The following NRG3 variants were observed in gnomAD, a reference collection of about 807,000 sequenced individuals.
NRG3 encodes the protein neuregulin 3.
NRG3 carries 31 observed loss-of-function variants against 66.9 expected under a neutral mutation model. The ratio of observed to expected loss-of-function variants is 0.46; its 90% confidence interval spans 0.35 to 0.63. NRG3 has a LOEUF of 0.63. Among genes scored for constraint, NRG3 ranks in the 20% least tolerant of loss-of-function variants. The pLI is 0.00. For missense variants in NRG3, 910 were observed against 878.9 expected, an observed-to-expected ratio of 1.04 and a Z score of -0.45; for synonymous variants, 393 against 359.4, an observed-to-expected ratio of 1.09 and a Z score of -1.06.
chr10:81,896,470 A>G (rs1198957220), intron 1 of NRG3, among the ~76,000 whole-genome samples: 1 of 152,164 alleles, frequency 6.6e-6, no homozygotes, highest in East Asian at 1.9e-4. Context: ...GTGTATCTTG[A>G]TAGATTCTGC....
At chr10:82,159,082 A>G (rs142242108) in intron 1 of NRG3, among the ~76,000 whole-genome samples, 2 of 152,026 alleles carry the variant, frequency 1.3e-5, no homozygotes, top group African/African-American at 4.8e-5. Context: ...AAAATAGAAG[A>G]CCAACTATGA....
intron 2 of NRG3, among the ~76,000 whole-genome samples, chr10:82,507,300 A>C (rs897287531): frequency 1.3e-5 from 2 of 152,148 alleles, no homozygotes; most frequent in African/African-American, 2.4e-5. Context: ...CAATGTGGGC[A>C]TGGGTTGATT....
intron 1 of NRG3, among the ~76,000 whole-genome samples, chr10:82,141,465 A>G (rs2069780235): frequency 6.6e-6 from 1 of 152,172 alleles, no homozygotes; most frequent in African/African-American, 2.4e-5. Flanking sequence ...TTTTACAGAA[A>G]GAAAGCATTA....
chr10:81,998,842 T>C (rs1010382084), intron 1 of NRG3, among the ~76,000 whole-genome samples: 4 of 152,162 alleles, frequency 2.6e-5, no homozygotes, highest in African/African-American at 9.6e-5. Context: ...AAACTTTGTG[T>C]GTGTGTGTCT....
chr10:82,378,393 C>G (rs2085395351), intron 2 of NRG3, among the ~76,000 whole-genome samples: 1 of 152,204 alleles, frequency 6.6e-6, no homozygotes, highest in Non-Finnish European at 1.5e-5. Flanking sequence ...AAGACTGATT[C>G]ACTTTCACCA....
intron 4 of NRG3, among the ~76,000 whole-genome samples, chr10:82,934,848 A>G (rs1847909486): frequency 6.6e-6 from 1 of 152,154 alleles, no homozygotes; most frequent in Non-Finnish European, 1.5e-5. Context: ...GCACTTACAA[A>G]CTTTTCAGTG....
chr10:81,985,952 TCA>T (rs974563878), intron 1 of NRG3, among the ~76,000 whole-genome samples: 6 of 152,196 alleles, frequency 3.9e-5, no homozygotes, highest in African/African-American at 1.2e-4. Context: ...AAGTGGTAAG[TCA>T]CAGTGCCAGA....
intron 1 of NRG3, among the ~76,000 whole-genome samples, chr10:82,242,845 G>T (rs2077065311): frequency 6.6e-6 from 1 of 152,192 alleles, no homozygotes. Context: ...ATTTTGATTT[G>T]CTGGAAAGGG....
chr10:81,932,015 G>T (rs762741382), intron 1 of NRG3, among the ~76,000 whole-genome samples: 4 of 152,118 alleles, frequency 2.6e-5, no homozygotes, highest in Non-Finnish European at 5.9e-5. Context: ...AAATAAAAGA[G>T]ACTTAATTGG....
At chr10:82,203,964 G>T (rs776780819) in intron 1 of NRG3, among the ~76,000 whole-genome samples, 1 of 151,968 alleles carries the variant, frequency 6.6e-6, no homozygotes, top group South Asian at 2.1e-4. Context: ...TTATTTAACT[G>T]ACCATCAGAT....
chr10:82,006,266 A>C (rs1411474015), intron 1 of NRG3, among the ~76,000 whole-genome samples: 1 of 152,084 alleles, frequency 6.6e-6, no homozygotes, highest in African/African-American at 2.4e-5. Flanking sequence ...TCTTATGTCA[A>C]CTGTCTATTC....
chr10:82,430,302 G>A (rs1414809773), intron 2 of NRG3, among the ~76,000 whole-genome samples: 1 of 151,558 alleles, frequency 6.6e-6, no homozygotes, highest in Non-Finnish European at 1.5e-5. Flanking sequence ...CTGTCACCCA[G>A]GCTGGAGTGC....
intron 1 of NRG3, among the ~76,000 whole-genome samples, chr10:82,098,253 T>TATGTCATATATAG (rs2066489040): frequency 1.3e-5 from 2 of 151,446 alleles, no homozygotes; most frequent in Non-Finnish European, 2.9e-5. Context: ...TCTATATATA[T>TATGTCATATATAG]ATGTCATATA....
chr10:82,717,873 G>GCCAATGTCTCTGTCCTT (rs2057070843), intron 2 of NRG3, among the ~76,000 whole-genome samples: 2 of 150,276 alleles, frequency 1.3e-5, no homozygotes, highest in African/African-American at 4.9e-5. Flanking sequence ...TTAATAGTGA[G>GCCAATGTCTCTGTCCTT]CCAATGTCTC....
intron 1 of NRG3, among the ~76,000 whole-genome samples, chr10:81,900,772 G>A (rs377421595): frequency 1.3e-4 from 20 of 152,300 alleles, no homozygotes; most frequent in East Asian, 7.7e-4. Flanking sequence ...TGGAGAAAGT[G>A]CTGTGTAAAC....
chr10:82,734,848 C>T (rs190873587), intron 2 of NRG3, among the ~76,000 whole-genome samples: 1 of 151,854 alleles, frequency 6.6e-6, no homozygotes, highest in South Asian at 2.1e-4. Flanking sequence ...CAAAACCCCC[C>T]TCTACAAAAA....
chr10:81,912,792 AAAGAACCAGGGGGCTGAAGCAC>A (rs1845295947), intron 1 of NRG3, among the ~76,000 whole-genome samples: 1 of 152,202 alleles, frequency 6.6e-6, no homozygotes. Context: ...CATGCATCTG[AAAGAACCAGGGGGCTGAAGCAC>A]ACAGGAAACT....
intron 1 of NRG3, among the ~76,000 whole-genome samples, chr10:81,899,094 T>A (rs1035881144): frequency 1.3e-5 from 2 of 152,216 alleles, no homozygotes; most frequent in Non-Finnish European, 2.9e-5. Context: ...TTAAAAGAGA[T>A]TGATTAATAA....
intron 4 of NRG3, among the ~76,000 whole-genome samples, chr10:82,919,062 AGTGT>A (rs71471761): frequency 0.34 from 48,052 of 141,570 alleles, 7,723 homozygotes; most frequent in East Asian, 0.51. Flanking sequence ...ATAGGGGTGG[AGTGT>A]GTGTGTGTGT....
Sources: gnomAD v4.1 joint callset for allele counts (sites outside exome capture counted in the v4.1 genomes callset) on GRCh38, gnomAD v4.1.1 for gene constraint, MANE v1.5 for transcripts, NCBI Gene and HGNC (gene_info 2026-07-23, HGNC 2026-07-21) for gene names.